Variants in PKHD1 observed in about 807,000 individuals in gnomAD.
The protein encoded by PKHD1 is fibrocystin.
In PKHD1, 291 loss-of-function variants were observed where a neutral mutation model predicts 412.0. The ratio of observed to expected loss-of-function variants is 0.71; its 90% CI spans 0.64 to 0.78. The LOEUF (loss-of-function observed/expected upper bound fraction) is 0.78. PKHD1 is among the 30% of genes least tolerant of loss of function. PKHD1 has a pLI of 0.00. For synonymous variants in PKHD1, 1,777 were observed against 1,821.5 expected (o/e 0.98, Z 0.62); for missense variants, 4,825 against 4,950.7 (o/e 0.97, Z 0.76).
At chr6:51,952,870 C>T (rs1236273762) in intron 36 of PKHD1, among the ~76,000 whole-genome samples, 1 of 152,122 alleles carries the variant, frequency 6.6e-6, no homozygotes, top group Non-Finnish European at 1.5e-5. Context: ...TTACTCATTC[C>T]TATACTGCTC....
At chr6:52,031,503 G>A (rs1311581994) in intron 29 of PKHD1, among the ~76,000 whole-genome samples, 1 of 152,166 alleles carries the variant, frequency 6.6e-6, no homozygotes, top group African/African-American at 2.4e-5. Context: ...ATGATTCTTT[G>A]TTCAAACAAA....
intron 32 of PKHD1, among the ~76,000 whole-genome samples, chr6:52,023,891 G>A (rs1226886992): frequency 6.6e-6 from 1 of 152,142 alleles, no homozygotes; most frequent in African/African-American, 2.4e-5. Flanking sequence ...ACCAAGCTGA[G>A]ACCAAATTTT....
At chr6:51,929,047 G>A (rs540125241) in intron 37 of PKHD1, among the ~76,000 whole-genome samples, 1 of 152,272 alleles carries the variant, frequency 6.6e-6, no homozygotes, top group African/African-American at 2.4e-5. Context: ...GAAGAAAAGG[G>A]AGGAGTCTTG....
chr6:52,038,361 T>A (rs1293401616), intron 27 of PKHD1, among the ~76,000 whole-genome samples: 1 of 142,914 alleles, frequency 7.0e-6, no homozygotes, highest in Non-Finnish European at 1.5e-5. Flanking sequence ...GGCAACAGAA[T>A]GAGACTCGGT....
At chr6:51,833,411 A>G (rs564234396) in intron 51 of PKHD1, among the ~76,000 whole-genome samples, 1 of 152,322 alleles carries the variant, frequency 6.6e-6, no homozygotes, top group Admixed American at 6.5e-5. Context: ...AAGGGATAAG[A>G]AAACATGTTT....
At position 51,934,273 on chromosome 6, in the gene PKHD1, G is replaced by T. The variant is rs745388926; in HGVS notation, c.5958C>A (p.His1986Gln). ...MAPGPIELRA[H>Q]AILVSDGGEL... The stretch of plus-strand genomic sequence containing the variant: ...CTCCACCATCAGAAACAAGGATGGC[G>T]TGTGCCCTGAGCTCGATGGGTCCTG... The change falls in exon 37 of 67, where the codon CAC (histidine) becomes CAA (glutamine). Residue 1986 changes from histidine to glutamine, a missense_variant. By Grantham distance (24) the His-to-Gln change is conservative. Coordinates refer to ENST00000371117, the MANE Select transcript of PKHD1 (RefSeq NM_138694.4). The T allele has an allele frequency of 2.5e-6, 4 of 1,613,520 alleles. No individual in the cohort carries two copies. In the Admixed American group the frequency reaches 5.0e-5, roughly 20 times the overall value.
intron 60 of PKHD1, among the ~76,000 whole-genome samples, chr6:51,661,256 T>C (rs569629712): frequency 6.6e-6 from 1 of 152,068 alleles, no homozygotes; most frequent in Non-Finnish European, 1.5e-5. Context: ...ATAGATTAGA[T>C]ATAGATATAG....
intron 48 of PKHD1, among the ~76,000 whole-genome samples, chr6:51,865,314 T>C (rs1269051212): frequency 6.6e-6 from 1 of 152,100 alleles, no homozygotes; most frequent in African/African-American, 2.4e-5. Flanking sequence ...ACCCAAATAT[T>C]AAATAGTGTG....
intron 36 of PKHD1, among the ~76,000 whole-genome samples, chr6:51,950,375 A>G (rs1266916): frequency 0.33 from 50,638 of 151,694 alleles, 9,169 homozygotes; most frequent in African/African-American, 0.46. Context: ...AGCCCATTCA[A>G]TGTGGCCAGC....
At chr6:51,981,508 G>C (rs574204044) in intron 35 of PKHD1, among the ~76,000 whole-genome samples, 6 of 151,796 alleles carry the variant, frequency 4.0e-5, no homozygotes, top group African/African-American at 9.7e-5. Context: ...TGGTGGAGAC[G>C]GGGTTTTGCT....
At chr6:51,996,320 T>C (rs999487595) in intron 35 of PKHD1, among the ~76,000 whole-genome samples, 1 of 152,100 alleles carries the variant, frequency 6.6e-6, no homozygotes, top group Non-Finnish European at 1.5e-5. Flanking sequence ...GGAAGTTTAA[T>C]TAATGTTTGT....
intron 48 of PKHD1, among the ~76,000 whole-genome samples, chr6:51,860,028 G>C (rs573270183): frequency 9.6e-4 from 146 of 152,286 alleles, no homozygotes; most frequent in African/African-American, 3.4e-3. Flanking sequence ...TCAGAGCCTT[G>C]AGTCTATCAA....
intron 49 of PKHD1, among the ~76,000 whole-genome samples, chr6:51,855,450 T>A (rs746958109): frequency 6.6e-6 from 1 of 152,232 alleles, no homozygotes; most frequent in Non-Finnish European, 1.5e-5. Context: ...AGACTTCGAT[T>A]GGCAAGTTAA....
At chr6:51,640,523 A>G (rs1478248167) in intron 63 of PKHD1, among the ~76,000 whole-genome samples, 1 of 152,290 alleles carries the variant, frequency 6.6e-6, no homozygotes, top group East Asian at 1.9e-4. Flanking sequence ...AATGCAATTG[A>G]CAGGCTCCCT....
At chr6:51,789,372 G>C (rs1793381648) in intron 53 of PKHD1, among the ~76,000 whole-genome samples, 1 of 151,982 alleles carries the variant, frequency 6.6e-6, no homozygotes, top group African/African-American at 2.4e-5. Flanking sequence ...AATAACTTAG[G>C]TGCTTAACAA....
chr6:51,809,750 G>A (rs1177241876), intron 52 of PKHD1, among the ~76,000 whole-genome samples: 1 of 151,682 alleles, frequency 6.6e-6, no homozygotes, highest in Admixed American at 6.6e-5. Context: ...CATCAAAAGT[G>A]GAATTTATTG....
intron 32 of PKHD1, 31 bp downstream of exon 32, chr6:52,024,543 G>C (rs1801852766): frequency 1.3e-6 from 2 of 1,578,460 alleles, no homozygotes; most frequent in Non-Finnish European, 8.7e-7. Context: ...TTTACATAAA[G>C]AAAGTGTGCT....
At chr6:51,745,284 A>C (rs1192323299) in intron 59 of PKHD1, among the ~76,000 whole-genome samples, 1 of 152,178 alleles carries the variant, frequency 6.6e-6, no homozygotes, top group South Asian at 2.1e-4. Flanking sequence ...ATGAAACAGT[A>C]TTAAGAAGTG....
At chr6:51,651,939 G>A (rs1170299540) in intron 61 of PKHD1, among the ~76,000 whole-genome samples, 1 of 152,136 alleles carries the variant, frequency 6.6e-6, no homozygotes, top group Non-Finnish European at 1.5e-5. Context: ...TCAGTAAACT[G>A]GAGTGATGTC....
Sources: allele counts gnomAD v4.1 joint callset (sites outside exome capture counted in the v4.1 genomes callset), GRCh38; gene constraint gnomAD v4.1.1; transcripts MANE v1.5; gene names NCBI Gene and HGNC (gene_info 2026-07-23, HGNC 2026-07-21).